RPS6KA5: variants seen among roughly 807,000 people sequenced by gnomAD.
RPS6KA5 encodes ribosomal protein S6 kinase A5.
A neutral mutation model predicts 85.5 loss-of-function variants in RPS6KA5; 27 were observed. The ratio of observed to expected loss-of-function variants is 0.32; its 90% CI spans 0.23 to 0.44. RPS6KA5 has a LOEUF of 0.44. Ranked by LOEUF, RPS6KA5 falls within the 20% of genes least tolerant of loss-of-function variation. The probability of loss-of-function intolerance (pLI) is 1.00; values close to 1 mark genes in which losing one functional copy is unlikely to be tolerated. For synonymous variants in RPS6KA5, 334 were observed against 348.2 expected (o/e 0.96, Z 0.46); for missense variants, 811 against 980.9 (o/e 0.83, Z 2.31).
At chr14:91,002,222 C>A (rs1339651809) in intron 1 of RPS6KA5, among the ~76,000 whole-genome samples, 1 of 151,984 alleles carries the variant, frequency 6.6e-6, no homozygotes, top group East Asian at 1.9e-4. Flanking sequence ...ATACTGATAT[C>A]TGTGATTTAC....
At position 90,983,839 on chromosome 14, in the gene RPS6KA5, CTTTCTTTTTT is replaced by C. The variant is rs1420583607; in HGVS notation, c.176-5325_176-5316del. 8.5e-3 allele frequency among the ~76,000 whole-genome samples: 1,142 copies of C among 134,684 alleles called. 22 individuals carry two copies. Among genetic ancestry groups the C allele is most frequent in the African/African-American group, 0.034 (1,093 of 31,810 alleles). The allele number at this position is 134,684 out of a possible 152,430, so 88.4% of individuals were successfully genotyped here. On this transcript the variant is annotated intron_variant, in intron 2 of 16. Coordinates refer to ENST00000614987, the MANE Select transcript of RPS6KA5 (RefSeq NM_004755.4). ...TCTGTCTCTCTCTCTCTCTCTCTCT[CTTTCTTTTTT>C]TCTTTCTTTCTTTCTGACCAAGTCT...
At chr14:90,947,688 GTAGA>G (rs1158904156) in intron 3 of RPS6KA5, 138 bp from the exon 4 acceptor site, 2 of 541,830 alleles carry the variant, frequency 3.7e-6, no homozygotes, top group East Asian at 6.0e-5. Flanking sequence ...ACAGTATCAT[GTAGA>G]TAGAGTTCTA....
intron 2 of RPS6KA5, among the ~76,000 whole-genome samples, chr14:90,992,851 T>C (rs1449461668): frequency 6.6e-6 from 1 of 152,204 alleles, no homozygotes; most frequent in Non-Finnish European, 1.5e-5. Flanking sequence ...AATTTACACA[T>C]TTCAAGATTA....
rs747531260 is a variant in RPS6KA5, at chr14:90,875,243, C to A, written c.1954G>T (p.Ala652Ser). The change falls in exon 15 of 17, where the codon GCC becomes TCC. Residue 652 changes from alanine (A) to serine (S), a missense_variant. Transcript: ENST00000614987. ...GCCTCTTGGGATACATTCTTCCAGG[C>A]TTCTCCTTCAAAGGAGAAATCTCCC... ...KKGDFSFEGE[A>S]WKNVSQEAKD... The A allele has an allele frequency of 3.1e-6, 5 of 1,613,884 alleles. No homozygotes were observed. In the South Asian group the frequency reaches 3.3e-5, roughly 11 times the overall value.
At chr14:91,020,319 C>A (rs2041692524) in intron 1 of RPS6KA5, among the ~76,000 whole-genome samples, 1 of 151,682 alleles carries the variant, frequency 6.6e-6, no homozygotes, top group African/African-American at 2.4e-5. Flanking sequence ...CATAATGATA[C>A]AACAATAAGA....
At chr14:90,891,163 G>T (rs2034531098) in intron 13 of RPS6KA5, among the ~76,000 whole-genome samples, 1 of 151,518 alleles carries the variant, frequency 6.6e-6, no homozygotes, top group Non-Finnish European at 1.5e-5. Flanking sequence ...CGGGGACTAT[G>T]TGTCTACCTT....
At chr14:91,044,374 AAG>A (rs1158488236) in intron 1 of RPS6KA5, among the ~76,000 whole-genome samples, 3 of 13,666 alleles carry the variant, frequency 2.2e-4, no homozygotes, top group East Asian at 0.013. Flanking sequence ...AGAAAGAAAG[AAG>A]GAAAGAAAGA....
intron 5 of RPS6KA5, among the ~76,000 whole-genome samples, chr14:90,925,883 A>G (rs780708061): frequency 2.8e-5 from 4 of 141,864 alleles, no homozygotes; most frequent in Non-Finnish European, 6.1e-5. Flanking sequence ...TCGAGGCTGC[A>G]GTGAGCCATG....
At position 90,853,266 on chromosome 14, in the gene RPS6KA5, C is replaced by T. The variant is rs1260078358; in HGVS notation, c.*18808G>A. ...ATAATGATATTTTCCACTGTAGAAA[C>T]TTCTTAGGTTATCACTCAAAAAACA... is the stretch of plus-strand genomic sequence containing the variant. On this transcript the variant is annotated 3_prime_UTR_variant, in exon 17 of 17. Transcript: ENST00000614987. The T allele has an allele frequency of 4.6e-5, 7 of 152,076 alleles. No homozygotes were observed. The South Asian group carries it at 8.3e-4, about 18-fold the overall frequency. The allele number at this position is 152,076 out of a possible 1,614,324, so 9.4% of individuals were successfully genotyped here. A position where few individuals can be genotyped will look rare whatever the true frequency, so the allele number is the denominator to read the frequency against.
chr14:90,945,896 G>A (rs143553456), intron 4 of RPS6KA5, among the ~76,000 whole-genome samples: 14 of 152,118 alleles, frequency 9.2e-5, no homozygotes, highest in African/African-American at 4.8e-5. Context: ...CCAGCTACTC[G>A]GGAGATTGAC....
intron 8 of RPS6KA5, among the ~76,000 whole-genome samples, chr14:90,904,010 G>A (rs1354924465): frequency 3.3e-5 from 5 of 151,294 alleles, no homozygotes; most frequent in African/African-American, 4.9e-5. Flanking sequence ...GCAGTGGCGC[G>A]ATCTCGGCTC....
chr14:90,905,968 T>C (rs1249749022), intron 8 of RPS6KA5, among the ~76,000 whole-genome samples, 181 bp downstream of exon 8: 2 of 152,142 alleles, frequency 1.3e-5, no homozygotes, highest in Non-Finnish European at 2.9e-5. Flanking sequence ...AAGTAGAATT[T>C]TGGCCCTACT....
chr14:90,950,827 G>C (rs1424389201), intron 3 of RPS6KA5, among the ~76,000 whole-genome samples: 1 of 152,038 alleles, frequency 6.6e-6, no homozygotes, highest in African/African-American at 2.4e-5. Context: ...ATTCATAAGA[G>C]ATAATGATCT....
intron 5 of RPS6KA5, among the ~76,000 whole-genome samples, chr14:90,924,755 T>G (rs1351473979): frequency 6.6e-6 from 1 of 152,226 alleles, no homozygotes; most frequent in Non-Finnish European, 1.5e-5. Context: ...TCAAGGAGGC[T>G]TCATTGCTCC....
At chr14:90,895,834 G>C (rs2034807712) in intron 12 of RPS6KA5, among the ~76,000 whole-genome samples, 1 of 152,152 alleles carries the variant, frequency 6.6e-6, no homozygotes, top group Non-Finnish European at 1.5e-5. Flanking sequence ...AGGCTGCAGG[G>C]AGCCGTCACT....
chr14:90,988,213 T>G (rs1217049348), intron 2 of RPS6KA5, among the ~76,000 whole-genome samples: 1 of 152,232 alleles, frequency 6.6e-6, no homozygotes, highest in Non-Finnish European at 1.5e-5. Flanking sequence ...CTCTATTTAC[T>G]GCAGGACACA....
intron 1 of RPS6KA5, among the ~76,000 whole-genome samples, chr14:91,043,578 T>A (rs1164326898): frequency 6.6e-6 from 1 of 152,182 alleles, no homozygotes; most frequent in Non-Finnish European, 1.5e-5. Context: ...TAATTCTCAC[T>A]TCACTGGGTT....
chr14:91,013,755 A>C (rs1421531165), intron 1 of RPS6KA5, among the ~76,000 whole-genome samples: 3 of 152,248 alleles, frequency 2.0e-5, no homozygotes, highest in Non-Finnish European at 4.4e-5. Flanking sequence ...CAGCAGCAGC[A>C]GCAGCGTGGA....
At chr14:90,944,686 T>C (rs557129931) in intron 4 of RPS6KA5, among the ~76,000 whole-genome samples, 1 of 149,820 alleles carries the variant, frequency 6.7e-6, no homozygotes, top group African/African-American at 2.5e-5. Context: ...ACCCGGGAGG[T>C]GGAGGTTACG....
Sources: allele counts gnomAD v4.1 joint callset (sites outside exome capture counted in the v4.1 genomes callset), GRCh38; gene constraint gnomAD v4.1.1; transcripts MANE v1.5; gene names NCBI Gene and HGNC (gene_info 2026-07-23, HGNC 2026-07-21).